The following MAST4 variants were observed in gnomAD, a reference collection of about 807,000 sequenced individuals.
The protein encoded by MAST4 is microtubule associated serine/threonine kinase family member 4.
MAST4 carries 89 observed loss-of-function variants against 162.7 expected under a neutral mutation model. That is an observed-to-expected ratio of 0.55 (90% CI 0.46 to 0.65). MAST4 has a LOEUF of 0.65. Among genes scored for constraint, MAST4 ranks in the 30% least tolerant of loss-of-function variants. The pLI, the probability that MAST4 is intolerant of heterozygous loss-of-function variation, is 0.00. For missense variants in MAST4, 3,153 were observed against 3,374.0 expected (o/e 0.93, Z 1.62); for synonymous variants, 1,479 against 1,361.1 (o/e 1.09, Z -1.91).
rs74657429 is a variant in MAST4, at chr5:67,112,589, A to G, written c.1459-1498A>G. On this transcript the variant is annotated intron_variant, in intron 11 of 28. Transcript: ENST00000403625. Reference sequence around the variant, plus strand: ...AGTGGTTCACAGAACTCAGGGAAACACTGAAGTTTACCAGTTTATTATGAA... The same window carrying G: ...AGTGGTTCACAGAACTCAGGGAAACGCTGAAGTTTACCAGTTTATTATGAA... 5.2e-3 allele frequency among the ~76,000 whole-genome samples: 799 copies of G among 152,244 alleles called. 7 individuals carry two copies. The highest frequency in any genetic ancestry group is 0.018 in the African/African-American group (768 of 41,538).
At chr5:66,794,522 A>G (rs1395408843) in intron 3 of MAST4, among the ~76,000 whole-genome samples, 1 of 152,208 alleles carries the variant, frequency 6.6e-6, no homozygotes, top group Non-Finnish European at 1.5e-5. Flanking sequence ...GGATGGTATT[A>G]TCCAGAATGG....
At chr5:66,953,987 A>C (rs1422225280) in intron 4 of MAST4, among the ~76,000 whole-genome samples, 7 of 152,128 alleles carry the variant, frequency 4.6e-5, no homozygotes, top group African/African-American at 1.4e-4. Context: ...CATAGAAGAG[A>C]TCTAGCCTTA....
chr5:66,983,911 T>A (rs1749158499), intron 4 of MAST4, among the ~76,000 whole-genome samples: 1 of 152,196 alleles, frequency 6.6e-6, no homozygotes, highest in Non-Finnish European at 1.5e-5. Flanking sequence ...GGACCATGCC[T>A]CTCAAAATCT....
chr5:67,014,242 C>T (rs893829931), intron 4 of MAST4, among the ~76,000 whole-genome samples: 1 of 152,162 alleles, frequency 6.6e-6, no homozygotes, highest in Non-Finnish European at 1.5e-5. Context: ...CTGCAAAGGG[C>T]AGGCATGTGG....
rs566530866 is a variant in MAST4, at chr5:66,931,458, T to G, written c.674+31476T>G. 1.2e-4 allele frequency among the ~76,000 whole-genome samples: 18 copies of G among 152,240 alleles called. No individual in the cohort carries two copies. In the South Asian group the frequency reaches 3.7e-3, roughly 32 times the overall value. ...GTGGAAATTTCTTCTTTCCTGTATC[T>G]TTTGCTGGGAGGGAGAGATGTTGCA... On this transcript the variant is annotated intron_variant, in intron 4 of 28. Transcript: ENST00000403625.
At chr5:67,028,822 A>G (rs762784977) in intron 4 of MAST4, among the ~76,000 whole-genome samples, 20 of 152,090 alleles carry the variant, frequency 1.3e-4, no homozygotes, top group Non-Finnish European at 2.4e-4. Flanking sequence ...AGAGAGTTCC[A>G]GATTGGGGAT....
intron 3 of MAST4, among the ~76,000 whole-genome samples, chr5:66,803,560 A>AT (rs890107975): frequency 1.3e-5 from 2 of 152,086 alleles, no homozygotes; most frequent in African/African-American, 4.8e-5. Context: ...ATAAGGTTTT[A>AT]TTTTTTACAG....
intron 4 of MAST4, 143 bp from the exon 5 acceptor site, chr5:67,054,261 T>C: frequency 1.6e-6 from 1 of 610,042 alleles, no homozygotes; most frequent in Admixed American, 3.5e-5. Flanking sequence ...CCCTCAAATA[T>C]TAGTGAATGC....
chr5:66,980,038 AAT>A (rs1392713171), intron 4 of MAST4, among the ~76,000 whole-genome samples: 1 of 152,232 alleles, frequency 6.6e-6, no homozygotes, highest in East Asian at 1.9e-4. Flanking sequence ...TCTGAGGAAG[AAT>A]ATATGCCTTC....
intron 11 of MAST4, among the ~76,000 whole-genome samples, chr5:67,112,497 C>T (rs1766366185): frequency 6.6e-6 from 1 of 152,198 alleles, no homozygotes; most frequent in Non-Finnish European, 1.5e-5. Flanking sequence ...TTTACCTGTG[C>T]CTCTCACCGT....
chr5:66,873,331 T>C (rs1027241969), intron 3 of MAST4, among the ~76,000 whole-genome samples: 2 of 152,236 alleles, frequency 1.3e-5, no homozygotes, highest in Non-Finnish European at 2.9e-5. Context: ...TGTGCATGTA[T>C]GTAGCTAGTG....
chr5:66,638,717 C>T lies in MAST4; in HGVS notation c.363+41699C>T, dbSNP rs183721019. On this transcript the variant is annotated intron_variant, in intron 1 of 28. Coordinates refer to ENST00000403625, the MANE Select transcript of MAST4 (RefSeq NM_001164664.2). ...CCATCTCTGTGGACAGTTGCATCAC[C>T]ATCATTCCTGACTCTGAATCTATAT... Among the ~76,000 whole-genome samples, 372 of 152,264 alleles carry T rather than the reference C, an allele frequency of 2.4e-3. 2 individuals are homozygous for T. The highest frequency in any genetic ancestry group is 3.2e-3 in the Non-Finnish European group (220 of 68,030).
intron 5 of MAST4, among the ~76,000 whole-genome samples, chr5:67,056,066 T>C (rs1758775203): frequency 6.7e-6 from 1 of 150,062 alleles, no homozygotes; most frequent in Admixed American, 6.7e-5. Context: ...ATTCTATATA[T>C]TCACTGTATT....
intron 1 of MAST4, among the ~76,000 whole-genome samples, chr5:66,723,269 G>A (rs867076284): frequency 1.8e-4 from 28 of 152,098 alleles, no homozygotes; most frequent in African/African-American, 6.8e-4. Context: ...AGTCCTAAAG[G>A]GTTCTTCTTT....
chr5:67,018,690 T>A (rs1753618276), intron 4 of MAST4, among the ~76,000 whole-genome samples: 1 of 152,164 alleles, frequency 6.6e-6, no homozygotes, highest in Non-Finnish European at 1.5e-5. Context: ...AGAGTATGAT[T>A]GTTGGAAAAT....
intron 1 of MAST4, among the ~76,000 whole-genome samples, chr5:66,731,267 T>G (rs955615554): frequency 3.4e-5 from 5 of 147,840 alleles, no homozygotes; most frequent in Non-Finnish European, 7.4e-5. Flanking sequence ...TCAGAACATC[T>G]GTTATCTGCA....
In MAST4 at chr5:67,167,663, T is replaced by G. The variant is rs1279252382; in HGVS notation, c.*612T>G. On this transcript the variant is annotated 3_prime_UTR_variant, in exon 29 of 29. Transcript: ENST00000403625. The stretch of plus-strand genomic sequence containing the variant: ...GTTTTTATGTGTATTTTAACCAGAG[T>G]TTCTGATAGTACTGTATCTGGCTAC... The G allele has an allele frequency of 6.6e-6, 1 of 152,122 alleles. No homozygotes were observed. The highest frequency in any genetic ancestry group is 1.5e-5 in the Non-Finnish European group (1 of 68,032). The allele number at this position is 152,122 out of a possible 1,614,324, so 9.4% of individuals were successfully genotyped here. A position where few individuals can be genotyped will look rare whatever the true frequency, so the allele number is the denominator to read the frequency against.
chr5:66,757,522 G>A (rs762143033), intron 1 of MAST4, among the ~76,000 whole-genome samples: 3 of 152,186 alleles, frequency 2.0e-5, no homozygotes, highest in South Asian at 2.1e-4. Context: ...GTATTTATAC[G>A]TTACCTTGCT....
intron 4 of MAST4, chr5:66,917,113 C>G: frequency 1.4e-6 from 1 of 706,454 alleles, no homozygotes; most frequent in Admixed American, 2.0e-5. Flanking sequence ...ACATTCTCAC[C>G]AGCACTGGAT....
Sources: allele counts gnomAD v4.1 joint callset (sites outside exome capture counted in the v4.1 genomes callset), GRCh38; gene constraint gnomAD v4.1.1; transcripts MANE v1.5; gene names NCBI Gene and HGNC (gene_info 2026-07-23, HGNC 2026-07-21).